The following USP34 variants were observed in gnomAD, a reference collection of about 807,000 sequenced individuals.
USP34 encodes the protein ubiquitin specific peptidase 34, also known as ubiquitin carboxyl-terminal hydrolase 34.
A neutral mutation model predicts 460.3 loss-of-function variants in USP34; 70 were observed. The ratio of observed to expected loss-of-function variants is 0.15; its 90% confidence interval spans 0.13 to 0.19. USP34 has a LOEUF of 0.19. USP34 is among the 10% of genes least tolerant of loss of function. The pLI, the probability that USP34 is intolerant of heterozygous loss-of-function variation, is 1.00. For missense variants in USP34, 3,985 were observed against 4,236.2 expected (o/e 0.94, Z 1.65); for synonymous variants, 1,647 against 1,405.3 (o/e 1.17, Z -3.85).
At chr2:61,298,207 C>A (rs1283660867) in intron 29 of USP34, among the ~76,000 whole-genome samples, 1 of 151,458 alleles carries the variant, frequency 6.6e-6, no homozygotes, top group Non-Finnish European at 1.5e-5. Flanking sequence ...CTGTTATCAA[C>A]CTGCCAAAAA....
intron 6 of USP34, among the ~76,000 whole-genome samples, chr2:61,380,868 G>C (rs1178525972): frequency 3.3e-5 from 5 of 152,146 alleles, no homozygotes; most frequent in Non-Finnish European, 7.3e-5. Flanking sequence ...CTGACATGAA[G>C]CCAACTACAA....
chr2:61,286,164 T>C (rs1301344141), intron 34 of USP34, among the ~76,000 whole-genome samples: 4 of 152,156 alleles, frequency 2.6e-5, no homozygotes, highest in African/African-American at 9.6e-5. Flanking sequence ...CACGGAAAAA[T>C]GATGGTAAAC....
At chr2:61,381,359 A>C (rs1394862571) in intron 6 of USP34, among the ~76,000 whole-genome samples, 1 of 152,140 alleles carries the variant, frequency 6.6e-6, no homozygotes. Context: ...TTTTTTATAA[A>C]ACAAAGTCTT....
intron 16 of USP34, 40 bp from the exon 17 acceptor site, chr2:61,339,721 T>G: frequency 1.8e-6 from 2 of 1,094,002 alleles, no homozygotes; most frequent in Non-Finnish European, 2.5e-6. Flanking sequence ...TATAGAGAAA[T>G]GCAGCTGACT....
intron 23 of USP34, among the ~76,000 whole-genome samples, chr2:61,316,380 T>A (rs529878795): frequency 5.5e-4 from 72 of 130,170 alleles, no homozygotes; most frequent in Non-Finnish European, 9.8e-4. Flanking sequence ...AGGTCAGGAG[T>A]TCGAGACTAG....
intron 41 of USP34, among the ~76,000 whole-genome samples, chr2:61,267,228 G>A (rs1689075549): frequency 6.6e-6 from 1 of 152,114 alleles, no homozygotes; most frequent in South Asian, 2.1e-4. Flanking sequence ...TCTTAGCCAT[G>A]AGTATAACTA....
chr2:61,413,666 T>C (rs957039312), intron 2 of USP34, among the ~76,000 whole-genome samples: 1 of 104,792 alleles, frequency 9.5e-6, no homozygotes, highest in South Asian at 2.9e-4. Flanking sequence ...CTCAAAAAAA[T>C]TAAAAAAATA....
rs769971844 is a variant in USP34, at chr2:61,348,146, C to T, written c.2009G>A (p.Gly670Glu). The T allele has an allele frequency of 2.5e-6, 4 of 1,614,116 alleles. No individual in the cohort carries two copies. The highest frequency in any genetic ancestry group is 1.3e-5 in the African/African-American group (1 of 74,942). The part of the protein sequence containing the change: ...GMSERNGTSS[G>E]TGKDLVFNTE... ...GTTAAAAACCAGGTCCTTTCCTGTT[C>T]CGCTGCTTGTCCCATTTCTTTCTGA... Residue 670 changes from glycine (G) to glutamate (E), a missense_variant, in exon 15 of 80, where the codon GGA becomes GAA. Physicochemically the swap from Gly to Glu is moderately conservative, Grantham distance 98. Transcript: ENST00000398571.
chr2:61,353,307 T>A (rs1692003250), intron 10 of USP34, among the ~76,000 whole-genome samples: 1 of 152,148 alleles, frequency 6.6e-6, no homozygotes, highest in Non-Finnish European at 1.5e-5. Context: ...TTGTACTTTT[T>A]TTTTGCGGAA....
intron 2 of USP34, among the ~76,000 whole-genome samples, chr2:61,407,616 G>C (rs754365449): frequency 6.6e-6 from 1 of 152,202 alleles, no homozygotes; most frequent in African/African-American, 2.4e-5. Context: ...ATATTCTTCT[G>C]TGTAGACGGA....
chr2:61,378,918 A>AC lies in USP34; in HGVS notation c.1015-495_1015-494insG, dbSNP rs992764235. Among the ~76,000 whole-genome samples, 26 of 148,030 alleles carry AC rather than the reference A, an allele frequency of 1.8e-4. No homozygotes were observed. In the South Asian group the frequency reaches 4.7e-3, roughly 27 times the overall value. ...AGAGTCCATCTCAAAAAAACGAAAA[A>AC]AAAAAAAAAAAAAAAAAAACAACAC... On this transcript the variant is annotated intron_variant, in intron 7 of 79. Transcript: ENST00000398571.
In USP34 at chr2:61,405,954, T is replaced by C. The variant is rs757421092; in HGVS notation, c.306A>G (p.Glu102=). Residue 102 remains glutamate (E), a synonymous_variant, in exon 3 of 80, where the codon GAA becomes GAG. Transcript: ENST00000398571. The part of the protein sequence containing the change: ...STWQDESNQA[E]EPLNIDRECN... ...ACTCTCTATCTATATTCAGTGGTTCTTCTGCTTGATTACTCTCATCTTGCC... is the reference window on the plus strand; with the variant it reads ...ACTCTCTATCTATATTCAGTGGTTCCTCTGCTTGATTACTCTCATCTTGCC... The C allele has an allele frequency of 1.9e-6, 3 of 1,613,810 alleles. No individual in the cohort carries two copies. The highest frequency in any genetic ancestry group is 1.7e-5 in the Admixed American group (1 of 59,944).
At chr2:61,337,556 G>C (rs931759856) in intron 18 of USP34, among the ~76,000 whole-genome samples, 1 of 152,142 alleles carries the variant, frequency 6.6e-6, no homozygotes, top group Non-Finnish European at 1.5e-5. Context: ...CCAGGCACAA[G>C]CAATCCTCCT....
intron 15 of USP34, among the ~76,000 whole-genome samples, chr2:61,346,005 A>G (rs970982752): frequency 5.9e-5 from 9 of 152,228 alleles, no homozygotes; most frequent in Admixed American, 1.3e-4. Context: ...ATTATTTGGT[A>G]TATTTCACAG....
At chr2:61,352,745 A>G (rs1315145494) in intron 10 of USP34, among the ~76,000 whole-genome samples, 7 of 151,978 alleles carry the variant, frequency 4.6e-5, no homozygotes, top group Non-Finnish European at 1.0e-4. Context: ...CACAAAAAAT[A>G]TTATTAAGAA....
At chr2:61,456,084 C>T (rs1695429516) in intron 1 of USP34, among the ~76,000 whole-genome samples, 1 of 152,196 alleles carries the variant, frequency 6.6e-6, no homozygotes, top group South Asian at 2.1e-4. Flanking sequence ...GAATGCTTTA[C>T]ACAAGTGTTT....
In USP34 at chr2:61,331,299, T is replaced by C. The variant is rs1691254383; in HGVS notation, c.2907A>G (p.Arg969=). Residue 969 remains arginine, a synonymous_variant, in exon 20 of 80, where the codon AGA becomes AGG. Coordinates refer to ENST00000398571, the MANE Select transcript of USP34 (RefSeq NM_014709.4). ...ACAGTGCATGTTTTTGTCTTCCTTC[T>C]CTCACAGTTTGAATGTAGTATACCA... ...DNLVYYIQTV[R]EGRQKHALYS... 9.3e-6 allele frequency: 15 copies of C among 1,612,358 alleles called. No individual in the cohort carries two copies. In the East Asian group the frequency reaches 3.1e-4, roughly 34 times the overall value.
In USP34 at chr2:61,280,345, C is replaced by A. The variant is rs1315111628; in HGVS notation, c.5155G>T (p.Asp1719Tyr). 5 of 1,468,224 alleles carry A rather than the reference C, an allele frequency of 3.4e-6. No homozygotes were observed. The Admixed American group carries it at 7.2e-5, about 21-fold the overall frequency. 90.9% of individuals were successfully genotyped at this position (1,468,224 alleles called of 1,614,324 possible). Residue 1719 changes from aspartate (D) to tyrosine (Y), a missense_variant, in exon 39 of 80, where the codon GAT (aspartate) becomes TAT (tyrosine). By Grantham distance (160) the Asp-to-Tyr change is radical (BLOSUM62 -3). This residue lies in a region of USP34 where 1,114 missense variants were observed against 1,122.5 expected (regional missense o/e 0.99). Transcript: ENST00000398571. ...DAQALKPIRI[D>Y]DYEEEPILKP... Reference sequence around the variant, plus strand: ...AATATTGGTTCTTCCTCATAATCATCTATCTATTAAAAAAATTTTATACTT... The same window carrying A: ...AATATTGGTTCTTCCTCATAATCATATATCTATTAAAAAAATTTTATACTT...
chr2:61,433,138 G>A (rs1296550277), intron 1 of USP34, among the ~76,000 whole-genome samples: 2 of 152,216 alleles, frequency 1.3e-5, no homozygotes, highest in Non-Finnish European at 2.9e-5. Context: ...CCATCTGAGT[G>A]CAGTTGGGGA....
Sources: allele counts gnomAD v4.1 joint callset (sites outside exome capture counted in the v4.1 genomes callset), GRCh38; gene constraint gnomAD v4.1.1; regional missense constraint gnomAD v4.1.1; transcripts MANE v1.5; gene names NCBI Gene and HGNC (gene_info 2026-07-23, HGNC 2026-07-21).